RGS8: variants seen among roughly 807,000 people sequenced by gnomAD.
RGS8 encodes the protein regulator of G protein signaling 8.
In RGS8, 8 loss-of-function variants were observed where a neutral mutation model predicts 21.7. That is an observed-to-expected ratio of 0.37 (90% confidence interval 0.22 to 0.66). The LOEUF (loss-of-function observed/expected upper bound fraction) is 0.66. Ranked by LOEUF, RGS8 falls within the 30% of genes least tolerant of loss-of-function variation. The pLI is 0.59. For synonymous variants in RGS8, 80 were observed against 83.6 expected (o/e 0.96, Z 0.24); for missense variants, 157 against 217.9 (o/e 0.72, Z 1.76).
At chr1:182,693,047 T>C in the RGS8 span, among the ~76,000 whole-genome samples, 1 of 152,120 alleles carries the variant, frequency 6.6e-6, no homozygotes, top group African/African-American at 2.4e-5. Context: ...CTAGGAAATA[T>C]CATTCTGGGC....
At chr1:182,741,747 G>T in the RGS8 span, among the ~76,000 whole-genome samples, 1 of 107,818 alleles carries the variant, frequency 9.3e-6, no homozygotes, top group East Asian at 2.6e-4. Flanking sequence ...CTGGCTGGGC[G>T]GGGGGCTGAC....
At chr1:182,722,274 G>C in the RGS8 span, among the ~76,000 whole-genome samples, 9 of 141,176 alleles carry the variant, frequency 6.4e-5, no homozygotes, top group African/African-American at 2.4e-4. Context: ...TTGTAAAAGA[G>C]TAATTTGGTC....
upstream of RGS8, among the ~76,000 whole-genome samples, chr1:182,688,385 A>G (rs1302276908): frequency 6.6e-6 from 1 of 151,424 alleles, no homozygotes; most frequent in Non-Finnish European, 1.5e-5. Flanking sequence ...TCTCATCTTC[A>G]TTTTTAAGAA....
intron 2 of RGS8, among the ~76,000 whole-genome samples, chr1:182,670,713 G>T (rs983840636): frequency 6.6e-6 from 1 of 152,016 alleles, no homozygotes; most frequent in South Asian, 2.1e-4. Context: ...TTTAAAAATA[G>T]CTTCTTTAAT....
chr1:182,741,781 G>A, the RGS8 span, among the ~76,000 whole-genome samples: 1 of 107,164 alleles, frequency 9.3e-6, no homozygotes, highest in Non-Finnish European at 2.2e-5. Flanking sequence ...TCCCGGACGG[G>A]GCGGCTGGCC....
chr1:182,749,364 T>C, the RGS8 span, among the ~76,000 whole-genome samples: 4 of 152,228 alleles, frequency 2.6e-5, no homozygotes, highest in African/African-American at 9.6e-5. Context: ...TTCCCCATTA[T>C]GTACTTGGTG....
the RGS8 span, among the ~76,000 whole-genome samples, chr1:182,713,689 C>G: frequency 6.6e-6 from 1 of 152,282 alleles, no homozygotes; most frequent in Admixed American, 6.5e-5. Flanking sequence ...TTGTGAGATG[C>G]TGTTAGTAAC....
At chr1:182,739,244 C>T in the RGS8 span, among the ~76,000 whole-genome samples, 1 of 152,188 alleles carries the variant, frequency 6.6e-6, no homozygotes, top group African/African-American at 2.4e-5. Context: ...AGTACTTACT[C>T]CTCATCTAGG....
chr1:182,665,276 C>G (rs1053783875), intron 5 of RGS8, among the ~76,000 whole-genome samples: 1 of 152,126 alleles, frequency 6.6e-6, no homozygotes, highest in East Asian at 1.9e-4. Flanking sequence ...TGAACTTGTA[C>G]ATAATGAGAA....
the RGS8 span, among the ~76,000 whole-genome samples, chr1:182,698,529 A>G: frequency 9.2e-5 from 14 of 152,196 alleles, no homozygotes; most frequent in Admixed American, 8.5e-4. Flanking sequence ...ATTCCCTTGG[A>G]GAAGAAGAGT....
At chr1:182,740,406 C>T in the RGS8 span, among the ~76,000 whole-genome samples, 1 of 152,072 alleles carries the variant, frequency 6.6e-6, no homozygotes, top group African/African-American at 2.4e-5. Context: ...TTCAAAACAG[C>T]CATATGAGAT....
chr1:182,680,733 A>G (rs531719249), intron 1 of RGS8, among the ~76,000 whole-genome samples: 1 of 152,262 alleles, frequency 6.6e-6, no homozygotes, highest in Non-Finnish European at 1.5e-5. Context: ...TAGGTAAAAA[A>G]CGTATTTTTC....
chr1:182,711,115 T>C, the RGS8 span, among the ~76,000 whole-genome samples: 1 of 152,160 alleles, frequency 6.6e-6, no homozygotes, highest in Admixed American at 6.5e-5. Flanking sequence ...GCTTTGCAAA[T>C]GAAGTCACTG....
At chr1:182,735,555 A>G in the RGS8 span, among the ~76,000 whole-genome samples, 1 of 152,180 alleles carries the variant, frequency 6.6e-6, no homozygotes. Context: ...AGAGTTGGAG[A>G]TAGAAGGGAA....
intron 5 of RGS8, 62 bp from the exon 7 acceptor site, chr1:182,648,365 GAAGA>G: frequency 1.3e-6 from 2 of 1,547,746 alleles, no homozygotes; most frequent in East Asian, 2.3e-5. Context: ...AAGAACTGTA[GAAGA>G]AAGAAAGGAA....
the RGS8 span, among the ~76,000 whole-genome samples, chr1:182,740,727 G>T: frequency 2.0e-5 from 3 of 150,220 alleles, no homozygotes; most frequent in Non-Finnish European, 4.4e-5. Context: ...GTGTCCCTGG[G>T]TACTTGAGAT....
the RGS8 span, among the ~76,000 whole-genome samples, chr1:182,698,926 T>C: frequency 1.3e-5 from 2 of 152,320 alleles, no homozygotes; most frequent in South Asian, 2.1e-4. Flanking sequence ...CCGTAATGAA[T>C]GTGGAGTTAC....
the RGS8 span, among the ~76,000 whole-genome samples, chr1:182,692,207 G>A: frequency 7.2e-5 from 11 of 151,924 alleles, no homozygotes; most frequent in East Asian, 1.9e-4. Flanking sequence ...CTTTCAGCAC[G>A]TTGGTCAGGC....
At chr1:182,664,335 T>G (rs1663747183) in intron 5 of RGS8, among the ~76,000 whole-genome samples, 1 of 152,064 alleles carries the variant, frequency 6.6e-6, no homozygotes, top group African/African-American at 2.4e-5. Flanking sequence ...TAGAGAACCT[T>G]TAAGTAGAGA....
Sources: allele counts gnomAD v4.1 joint callset (sites outside exome capture counted in the v4.1 genomes callset), GRCh38; gene constraint gnomAD v4.1.1; transcripts MANE v1.5; gene names NCBI Gene and HGNC (gene_info 2026-07-23, HGNC 2026-07-21).